ARHGAP32: variants seen among roughly 807,000 people sequenced by gnomAD.
The protein encoded by ARHGAP32 is Rho GTPase activating protein 32, also known as rho GTPase-activating protein 32.
A neutral mutation model predicts 186.5 loss-of-function variants in ARHGAP32; 51 were observed. The ratio of observed to expected loss-of-function variants is 0.27; its 90% CI spans 0.22 to 0.35. The LOEUF is 0.35. Ranked by LOEUF, ARHGAP32 falls within the 10% of genes least tolerant of loss-of-function variation. The pLI is 1.00. For synonymous variants in ARHGAP32, 950 were observed against 964.3 expected (o/e 0.99, Z 0.27); for missense variants, 2,186 against 2,623.5 (o/e 0.83, Z 3.64).
chr11:128,973,916 G>C, intron 21 of ARHGAP32: 1 of 595,322 alleles, frequency 1.7e-6, no homozygotes, highest in South Asian at 2.5e-5. Context: ...CTTTTGTGAA[G>C]ATTTGAAGCA....
intron 7 of ARHGAP32, among the ~76,000 whole-genome samples, chr11:129,065,317 T>C (rs758096074): frequency 1.2e-4 from 19 of 152,088 alleles, no homozygotes; most frequent in Non-Finnish European, 2.5e-4. Context: ...TCCATGCACA[T>C]GGCCTGTGGC....
chr11:129,173,922 G>T (rs184864234), intron 1 of ARHGAP32, among the ~76,000 whole-genome samples: 4 of 152,218 alleles, frequency 2.6e-5, no homozygotes, highest in Admixed American at 6.5e-5. Flanking sequence ...TGTAAAAATT[G>T]GAAAAGAAAG....
At chr11:129,148,802 G>A (rs1943225955) in intron 2 of ARHGAP32, among the ~76,000 whole-genome samples, 1 of 152,120 alleles carries the variant, frequency 6.6e-6, no homozygotes, top group Admixed American at 6.5e-5. Context: ...TGAGGGAGTT[G>A]GGTAAGGCCT....
At chr11:129,143,815 TTC>T (rs1245556966) in intron 2 of ARHGAP32, among the ~76,000 whole-genome samples, 6 of 152,186 alleles carry the variant, frequency 3.9e-5, no homozygotes, top group African/African-American at 9.7e-5. Context: ...ATTATAACTG[TTC>T]TGTTTTATAT....
At chr11:129,017,055 T>C (rs1048616608) in intron 11 of ARHGAP32, among the ~76,000 whole-genome samples, 2 of 152,226 alleles carry the variant, frequency 1.3e-5, no homozygotes, top group African/African-American at 4.8e-5. Flanking sequence ...TTGCAAAGGG[T>C]AGACTCAGGA....
chr11:128,981,054 TCTTTAATAA>T (rs1945693054), intron 17 of ARHGAP32, among the ~76,000 whole-genome samples: 1 of 152,166 alleles, frequency 6.6e-6, no homozygotes, highest in African/African-American at 2.4e-5. Context: ...CATATAAAAC[TCTTTAATAA>T]CTGTTTTCCT....
At chr11:128,992,042 C>T (rs1946070918) in intron 12 of ARHGAP32, among the ~76,000 whole-genome samples, 1 of 152,054 alleles carries the variant, frequency 6.6e-6, no homozygotes, top group Non-Finnish European at 1.5e-5. Flanking sequence ...GAGATGGTTT[C>T]CAGGCTAAAG....
chr11:129,274,407 A>G (rs1945507378), intron 1 of ARHGAP32, among the ~76,000 whole-genome samples: 1 of 152,144 alleles, frequency 6.6e-6, no homozygotes, highest in Non-Finnish European at 1.5e-5. Flanking sequence ...TTTGTGGAAG[A>G]GCCCTTCTGC....
chr11:129,030,562 A>T (rs1442773393), intron 11 of ARHGAP32: 1 of 152,066 alleles, frequency 6.6e-6, no homozygotes, highest in Non-Finnish European at 1.5e-5. Flanking sequence ...CATGCACTTA[A>T]CTAGTCTTAA....
chr11:129,129,572 G>A (rs541689688), intron 2 of ARHGAP32, among the ~76,000 whole-genome samples: 6 of 152,368 alleles, frequency 3.9e-5, no homozygotes, highest in Admixed American at 1.3e-4. Flanking sequence ...TGATGACGAC[G>A]GCGGTTTTGT....
chr11:128,989,369 A>G lies in ARHGAP32; in HGVS notation c.1196-1244T>C, dbSNP rs575973305. On this transcript the variant is annotated intron_variant, in intron 12 of 22. Transcript: ENST00000682385. Reference sequence around the variant, plus strand: ...AGAGATATCCTACAAGGAAAGTACTATATATTCCCAATTTTTACAGAGAAG... The same window carrying G: ...AGAGATATCCTACAAGGAAAGTACTGTATATTCCCAATTTTTACAGAGAAG... Among the ~76,000 whole-genome samples the G allele has an allele frequency of 3.3e-5, 5 of 152,254 alleles. No individual in the cohort carries two copies. The East Asian group carries it at 9.7e-4, about 29-fold the overall frequency.
rs1014653759 is a variant in ARHGAP32 at position 129,019,886 on chromosome 11, C to G, written c.1045+21042G>C. On this transcript the variant is annotated intron_variant, in intron 11 of 22. Coordinates refer to ENST00000682385, the MANE Select transcript of ARHGAP32 (RefSeq NM_001378024.1). ...TAAGGTATGTGCTAGTGAAAAAGTA[C>G]CAGACCAAGAATGTGGAGAGACAGT... Among the ~76,000 whole-genome samples the G allele has an allele frequency of 2.6e-5, 4 of 151,972 alleles. No individual in the cohort carries two copies. In the South Asian group the frequency reaches 6.2e-4, roughly 24 times the overall value.
At chr11:129,021,165 G>C (rs752991192) in intron 11 of ARHGAP32, among the ~76,000 whole-genome samples, 1 of 151,978 alleles carries the variant, frequency 6.6e-6, no homozygotes, top group Non-Finnish European at 1.5e-5. Flanking sequence ...GAGAAGAGTA[G>C]ACATTTCAAA....
chr11:129,064,120 C>T, intron 8 of ARHGAP32, 96 bp from the exon 9 acceptor site: 3 of 1,056,904 alleles, frequency 2.8e-6, no homozygotes, highest in Non-Finnish European at 3.8e-6. Flanking sequence ...TTTAGAGATA[C>T]AATAACCCAA....
chr11:129,224,022 T>C (rs1428391078), intron 1 of ARHGAP32, among the ~76,000 whole-genome samples: 3 of 152,218 alleles, frequency 2.0e-5, no homozygotes, highest in Non-Finnish European at 4.4e-5. Context: ...AGTGAAGAGC[T>C]GATAGGCTCC....
intron 10 of ARHGAP32, among the ~76,000 whole-genome samples, chr11:129,060,569 AG>A (rs1408711452): frequency 6.6e-6 from 1 of 152,182 alleles, no homozygotes; most frequent in Non-Finnish European, 1.5e-5. Flanking sequence ...TCTTCTATTT[AG>A]TTTTATATTT....
chr11:129,192,121 C>G lies in ARHGAP32; in HGVS notation c.78G>C (p.Val26=), dbSNP rs1348670806. 1 of 1,613,706 alleles carries G rather than the reference C, an allele frequency of 6.2e-7. No individual in the cohort carries two copies. The highest frequency in any genetic ancestry group is 8.5e-7 in the Non-Finnish European group (1 of 1,179,834). Residue 26 remains valine, a synonymous_variant, in exon 1 of 23, where the codon GTG becomes GTC. Coordinates refer to ENST00000682385, the MANE Select transcript of ARHGAP32 (RefSeq NM_001378024.1). Reference sequence around the variant, plus strand: ...CCCTTTCTTCCTCTTCACAGTCAGTCACCTGGATTATAACTTCAGACTCCA... The same window carrying G: ...CCCTTTCTTCCTCTTCACAGTCAGTGACCTGGATTATAACTTCAGACTCCA... The part of the protein sequence containing the change: ...FWLESEVIIQ[V]TDCEEEEREE...
chr11:129,002,149 G>T (rs1401444861), intron 11 of ARHGAP32, among the ~76,000 whole-genome samples: 1 of 151,976 alleles, frequency 6.6e-6, no homozygotes, highest in African/African-American at 2.4e-5. Flanking sequence ...TTGGTATTTT[G>T]ATAGGAATTG....
At chr11:129,204,371 G>A (rs1011687000) in intron 1 of ARHGAP32, among the ~76,000 whole-genome samples, 2 of 152,112 alleles carry the variant, frequency 1.3e-5, no homozygotes, top group Admixed American at 1.3e-4. Context: ...CAAGTCTGGG[G>A]AGAGGTCAGG....
Sources: allele counts gnomAD v4.1 joint callset (sites outside exome capture counted in the v4.1 genomes callset), GRCh38; gene constraint gnomAD v4.1.1; transcripts MANE v1.5; gene names NCBI Gene and HGNC (gene_info 2026-07-23, HGNC 2026-07-21).